The following DCT variants were observed in gnomAD, a reference collection of about 807,000 sequenced individuals.
DCT encodes the protein L-dopachrome tautomerase.
In DCT, 47 loss-of-function variants were observed where a neutral mutation model predicts 53.0. The observed-to-expected ratio is 0.89, with a 90% CI of 0.70 to 1.13. The LOEUF (loss-of-function observed/expected upper bound fraction) is 1.13. Ranked by LOEUF, DCT falls within the 50% of genes most tolerant of loss-of-function variation. DCT has a pLI of 0.00. For missense variants in DCT, 669 were observed against 637.4 expected, an observed-to-expected ratio of 1.05 and a Z score of -0.53; for synonymous variants, 244 against 237.0, an observed-to-expected ratio of 1.03 and a Z score of -0.27.
chr13:94,494,821 A>G, the DCT span, among the ~76,000 whole-genome samples: 2 of 152,210 alleles, frequency 1.3e-5, no homozygotes, highest in East Asian at 1.9e-4. Flanking sequence ...AAATTATGAT[A>G]TTACATTCTG....
the DCT span, among the ~76,000 whole-genome samples, chr13:94,503,096 G>T: frequency 6.6e-6 from 1 of 152,204 alleles, no homozygotes; most frequent in African/African-American, 2.4e-5. Context: ...ATACAGTTAG[G>T]TTGGGTGCGG....
intron 6 of DCT, among the ~76,000 whole-genome samples, chr13:94,456,940 G>C (rs1222998057): frequency 6.6e-6 from 1 of 152,198 alleles, no homozygotes; most frequent in Non-Finnish European, 1.5e-5. Flanking sequence ...GACCAGCCTG[G>C]CCAACATGGC....
intron 1 of DCT, among the ~76,000 whole-genome samples, chr13:94,472,562 ATATATATTTTTTTTTTTTTTTTTTTT>A (rs1566855430): frequency 7.9e-4 from 15 of 19,086 alleles, no homozygotes; most frequent in Non-Finnish European, 1.1e-3. Context: ...ATATATATAT[ATATATATTTTTTTTTTTTTTTTTTTT>A]TTTTTTTTTT....
At chr13:94,507,460 T>C in the DCT span, among the ~76,000 whole-genome samples, 1 of 152,066 alleles carries the variant, frequency 6.6e-6, no homozygotes, top group African/African-American at 2.4e-5. Flanking sequence ...AAGAACAGCT[T>C]GCTTTTGAAC....
chr13:94,465,550 C>T (rs1884114646), intron 4 of DCT, 83 bp downstream of exon 4: 1 of 1,284,284 alleles, frequency 7.8e-7, no homozygotes, highest in South Asian at 1.5e-5. Flanking sequence ...TAAGAAACAG[C>T]ACTATAAAGT....
At chr13:94,471,151 A>G (rs1884622349) in intron 1 of DCT, among the ~76,000 whole-genome samples, 1 of 152,232 alleles carries the variant, frequency 6.6e-6, no homozygotes, top group Non-Finnish European at 1.5e-5. Context: ...ATTTTCCAAC[A>G]GCATGAAAAC....
intron 6 of DCT, chr13:94,445,593 T>C: frequency 1.5e-6 from 1 of 661,878 alleles, no homozygotes; most frequent in Non-Finnish European, 2.6e-6. Context: ...CCCACAGAAA[T>C]GGTAAGAAAT....
At chr13:94,518,007 C>G in the DCT span, among the ~76,000 whole-genome samples, 1 of 151,052 alleles carries the variant, frequency 6.6e-6, no homozygotes, top group African/African-American at 2.4e-5. Flanking sequence ...CTTTGAGCAG[C>G]TGAGGTGGGA....
At chr13:94,535,143 G>A in the DCT span, among the ~76,000 whole-genome samples, 1 of 152,222 alleles carries the variant, frequency 6.6e-6, no homozygotes, top group South Asian at 2.1e-4. Context: ...CCTTACTTGA[G>A]AAATTTGTTT....
intron 6 of DCT, among the ~76,000 whole-genome samples, chr13:94,447,406 A>T (rs1882803770): frequency 6.6e-6 from 1 of 152,216 alleles, no homozygotes; most frequent in African/African-American, 2.4e-5. Flanking sequence ...TCTTATGAGA[A>T]TCTAATGCTG....
intron 4 of DCT, among the ~76,000 whole-genome samples, chr13:94,464,253 C>A (rs1247566732): frequency 6.6e-6 from 1 of 152,206 alleles, no homozygotes; most frequent in African/African-American, 2.4e-5. Context: ...AGGGTGTTGG[C>A]AGTGAAGCCT....
rs751526005 is a variant in DCT, at chr13:94,445,680, G to GA, written c.1180-2044dup. The GA allele has an allele frequency of 2.1e-6, 3 of 1,431,444 alleles. No individual in the cohort carries two copies. The South Asian group carries it at 3.7e-5, about 18-fold the overall frequency. 88.7% of individuals were successfully genotyped at this position (1,431,444 alleles called of 1,614,324 possible). A position where few individuals can be genotyped will look rare whatever the true frequency, so the allele number is the denominator to read the frequency against. On this transcript the variant is annotated intron_variant, in intron 6 of 7. Transcript: ENST00000377028. ...GCAGAAATGGATAAACACAACAAAG[G>GA]AAAAAAACCTGAGTAGAGCCTCCCA... is the stretch of plus-strand genomic sequence containing the variant.
chr13:94,486,722 A>G, the DCT span, among the ~76,000 whole-genome samples: 1 of 152,126 alleles, frequency 6.6e-6, no homozygotes, highest in African/African-American at 2.4e-5. Context: ...TTCTTTCTTT[A>G]CCTTGGCCAG....
the DCT span, among the ~76,000 whole-genome samples, chr13:94,543,937 A>C: frequency 6.6e-6 from 1 of 151,726 alleles, no homozygotes; most frequent in African/African-American, 2.4e-5. Flanking sequence ...CAGGAGACTG[A>C]GGCAGGAGAA....
At chr13:94,507,290 T>A in the DCT span, among the ~76,000 whole-genome samples, 1 of 152,118 alleles carries the variant, frequency 6.6e-6, no homozygotes, top group Non-Finnish European at 1.5e-5. Context: ...AAAGAGAAAG[T>A]CTCGCTACTC....
the DCT span, among the ~76,000 whole-genome samples, chr13:94,546,316 C>T: frequency 6.6e-6 from 1 of 152,124 alleles, no homozygotes; most frequent in African/African-American, 2.4e-5. This position sits in a 1 kb window ranked among gnomAD's most constrained non-coding sequence, Gnocchi z 4.2. Flanking sequence ...CAGTTTTCAC[C>T]TTCCTGACTC....
the DCT span, among the ~76,000 whole-genome samples, chr13:94,545,484 T>C: frequency 6.6e-6 from 1 of 152,108 alleles, no homozygotes; most frequent in South Asian, 2.1e-4. Flanking sequence ...GCTTTCCTAG[T>C]TTTTGTCCTC....
intron 6 of DCT, chr13:94,452,787 G>A (rs1883181148): frequency 4.0e-6 from 2 of 496,010 alleles, no homozygotes; most frequent in Non-Finnish European, 6.9e-6. Flanking sequence ...ATGCCCTTCA[G>A]AACTGAAATG....
At chr13:94,534,841 C>G in the DCT span, among the ~76,000 whole-genome samples, 1 of 152,262 alleles carries the variant, frequency 6.6e-6, no homozygotes. Context: ...AGATAATTTC[C>G]CCAACATCAC....
Sources: gnomAD v4.1 joint callset for allele counts (sites outside exome capture counted in the v4.1 genomes callset) on GRCh38, gnomAD v4.1.1 for gene constraint, Gnocchi (gnomAD v3.1) non-coding constraint, MANE v1.5 for transcripts, NCBI Gene and HGNC (gene_info 2026-07-23, HGNC 2026-07-21) for gene names.